SMYD3: variants seen among roughly 807,000 people sequenced by gnomAD.
The protein encoded by SMYD3 is histone-lysine N-methyltransferase SMYD3.
SMYD3 carries 36 observed loss-of-function variants against 57.7 expected under a neutral mutation model. That is an observed-to-expected ratio of 0.62 (90% CI 0.48 to 0.82). SMYD3 has a LOEUF of 0.82. Among genes scored for constraint, SMYD3 ranks in the 40% least tolerant of loss-of-function variants. The pLI is 0.00. For missense variants in SMYD3, 515 were observed against 538.8 expected (o/e 0.96, Z 0.44); for synonymous variants, 211 against 195.0 (o/e 1.08, Z -0.68).
chr1:246,311,027 G>C (rs2065067888), intron 5 of SMYD3, among the ~76,000 whole-genome samples: 1 of 152,026 alleles, frequency 6.6e-6, no homozygotes, highest in African/African-American at 2.4e-5. Context: ...GTAAATATGT[G>C]ACCTATGGAA....
intron 5 of SMYD3, among the ~76,000 whole-genome samples, chr1:246,260,116 G>A (rs543591113): frequency 1.4e-4 from 21 of 152,244 alleles, no homozygotes; most frequent in South Asian, 2.1e-4. Flanking sequence ...ATCTCTGCAC[G>A]GGAAGGATGG....
intron 5 of SMYD3, among the ~76,000 whole-genome samples, chr1:246,257,572 A>G (rs2063919317): frequency 6.6e-6 from 1 of 152,192 alleles, no homozygotes; most frequent in African/African-American, 2.4e-5. Context: ...TGTTTTATCA[A>G]ACTTGCTACT....
intron 5 of SMYD3, among the ~76,000 whole-genome samples, chr1:246,031,750 A>G (rs896878501): frequency 1.3e-5 from 2 of 151,914 alleles, no homozygotes; most frequent in Admixed American, 1.3e-4. Flanking sequence ...AAAAAAAAAA[A>G]AAGTTAGTGA....
chr1:246,210,675 A>G (rs376111463), intron 5 of SMYD3, among the ~76,000 whole-genome samples: 69 of 140,580 alleles, frequency 4.9e-4, no homozygotes, highest in African/African-American at 1.6e-3. Flanking sequence ...GTGCCACTGC[A>G]CTCCAGCCTG....
chr1:245,998,103 C>T (rs1290178697), intron 5 of SMYD3, among the ~76,000 whole-genome samples: 1 of 152,140 alleles, frequency 6.6e-6, no homozygotes, highest in Admixed American at 6.5e-5. Flanking sequence ...CAGACAGATT[C>T]CAAAATGTAC....
At position 246,359,842 on chromosome 1, in the gene SMYD3, A is replaced by G. The variant is rs996757431; in HGVS notation, c.165-4748T>C. Among the ~76,000 whole-genome samples, 11 of 152,320 alleles carry G rather than the reference A, an allele frequency of 7.2e-5. No individual in the cohort carries two copies. In the East Asian group the frequency reaches 1.9e-3, roughly 27 times the overall value. Reference sequence around the variant, plus strand: ...AATGAAAGCTATCTAAGACAAACCCACAGCCAACATTACACTGAACAGGGA... The same window carrying G: ...AATGAAAGCTATCTAAGACAAACCCGCAGCCAACATTACACTGAACAGGGA... On this transcript the variant is annotated intron_variant, in intron 1 of 11. Transcript: ENST00000490107.
intron 2 of SMYD3, among the ~76,000 whole-genome samples, chr1:246,348,060 T>TTTTATATATATATATATATATATATATA (rs1553336532): frequency 2.4e-5 from 2 of 82,978 alleles, no homozygotes; most frequent in Non-Finnish European, 5.3e-5. Flanking sequence ...AAAGAAAACG[T>TTTTATATATATATATATATATATATATA]TATATATATA....
intron 10 of SMYD3, among the ~76,000 whole-genome samples, chr1:245,802,797 T>A (rs531824524): frequency 6.6e-4 from 100 of 152,332 alleles, no homozygotes; most frequent in African/African-American, 2.4e-3. Context: ...AATGGAATAA[T>A]CGGAAGACAG....
At chr1:246,106,840 CA>C (rs2061132174) in intron 5 of SMYD3, among the ~76,000 whole-genome samples, 1 of 152,156 alleles carries the variant, frequency 6.6e-6, no homozygotes, top group South Asian at 2.1e-4. Context: ...GGGTGTAAAA[CA>C]ACCTCTGATA....
At position 246,037,137 on chromosome 1, in the gene SMYD3, A is replaced by G. The variant is rs150969709; in HGVS notation, c.532-107200T>C. On this transcript the variant is annotated intron_variant, in intron 5 of 11. Transcript: ENST00000490107. ...ACATAGGTCATTTCATGTATTAGCT[A>G]AAGTATCATGTATTAGCTAAATTCC... Among the ~76,000 whole-genome samples, 789 of 152,312 alleles carry G rather than the reference A, an allele frequency of 5.2e-3. 3 individuals are homozygous for G. The highest frequency in any genetic ancestry group is 8.2e-3 in the African/African-American group (339 of 41,574).
intron 5 of SMYD3, among the ~76,000 whole-genome samples, chr1:245,998,275 A>T (rs1890328): frequency 0.12 from 18,193 of 152,212 alleles, 1,508 homozygotes; most frequent in East Asian, 0.44. Flanking sequence ...CTGGGTAAAG[A>T]GTACAATGAA....
intron 5 of SMYD3, among the ~76,000 whole-genome samples, chr1:246,069,149 G>T (rs1486831094): frequency 6.6e-6 from 1 of 152,156 alleles, no homozygotes; most frequent in African/African-American, 2.4e-5. Context: ...CACACAGCCT[G>T]TCTGCTTCTG....
At chr1:245,948,410 A>T (rs977705702) in intron 5 of SMYD3, among the ~76,000 whole-genome samples, 2 of 152,082 alleles carry the variant, frequency 1.3e-5, no homozygotes, top group African/African-American at 4.8e-5. Context: ...GTGTGGAGAG[A>T]GTAAGTGAGA....
At chr1:245,935,614 A>G (rs560933152) in intron 5 of SMYD3, among the ~76,000 whole-genome samples, 1 of 152,358 alleles carries the variant, frequency 6.6e-6, no homozygotes, top group South Asian at 2.1e-4. Flanking sequence ...TTTTCACATT[A>G]GCTACGATAT....
At chr1:246,339,717 T>C (rs550452814) in intron 2 of SMYD3, among the ~76,000 whole-genome samples, 5 of 152,332 alleles carry the variant, frequency 3.3e-5, no homozygotes, top group South Asian at 4.1e-4. Flanking sequence ...TAATCCCCAG[T>C]GCAACATGTT....
At chr1:246,348,820 C>T (rs2065771421) in intron 2 of SMYD3, among the ~76,000 whole-genome samples, 1 of 151,980 alleles carries the variant, frequency 6.6e-6, no homozygotes, top group African/African-American at 2.4e-5. Flanking sequence ...ATAAATTACT[C>T]AGTGTCAGTT....
intron 1 of SMYD3, among the ~76,000 whole-genome samples, chr1:246,448,228 A>G (rs1345519272): frequency 6.6e-6 from 1 of 152,236 alleles, no homozygotes; most frequent in Non-Finnish European, 1.5e-5. Flanking sequence ...AAAAAAAATA[A>G]TAACATAATC....
At chr1:246,446,954 G>A (rs1044670326) in intron 1 of SMYD3, among the ~76,000 whole-genome samples, 10 of 151,382 alleles carry the variant, frequency 6.6e-5, no homozygotes, top group East Asian at 1.9e-4. Context: ...GCTTGAACCC[G>A]GGAGGCGAAG....
chr1:246,322,600 C>A (rs1055681562), intron 5 of SMYD3, among the ~76,000 whole-genome samples: 3 of 152,154 alleles, frequency 2.0e-5, no homozygotes, highest in Non-Finnish European at 2.9e-5. Context: ...CCCCGGTGCA[C>A]TTCCTATCCT....
Sources: allele counts gnomAD v4.1 joint callset (sites outside exome capture counted in the v4.1 genomes callset), GRCh38; gene constraint gnomAD v4.1.1; transcripts MANE v1.5; gene names NCBI Gene and HGNC (gene_info 2026-07-23, HGNC 2026-07-21).